KIAA1217: variants seen among roughly 807,000 people sequenced by gnomAD.
The protein encoded by KIAA1217 is KIAA1217.
A neutral mutation model predicts 163.9 loss-of-function variants in KIAA1217; 88 were observed. The ratio of observed to expected loss-of-function variants is 0.54; its 90% CI spans 0.45 to 0.64. The LOEUF is 0.64. KIAA1217 is among the 30% of genes least tolerant of loss of function. The probability of loss-of-function intolerance (pLI) is 0.00; values close to 1 mark genes in which losing one functional copy is unlikely to be tolerated. For missense variants in KIAA1217, 2,372 were observed against 2,475.0 expected (o/e 0.96, Z 0.88); for synonymous variants, 903 against 923.1 (o/e 0.98, Z 0.39).
At chr10:23,752,330 TC>T (rs1839781118) in intron 1 of KIAA1217, among the ~76,000 whole-genome samples, 1 of 152,306 alleles carries the variant, frequency 6.6e-6, no homozygotes, top group Non-Finnish European at 1.5e-5. Flanking sequence ...TTTTATTGAC[TC>T]CTTAGATATG....
chr10:23,902,324 A>G (rs1205347367), intron 1 of KIAA1217, among the ~76,000 whole-genome samples: 1 of 152,084 alleles, frequency 6.6e-6, no homozygotes, highest in Non-Finnish European at 1.5e-5. Context: ...CGTGATAAGA[A>G]CACGTGGGCA....
At chr10:24,115,022 C>T (rs970825449) in intron 2 of KIAA1217, among the ~76,000 whole-genome samples, 1 of 152,220 alleles carries the variant, frequency 6.6e-6, no homozygotes, top group Non-Finnish European at 1.5e-5. Flanking sequence ...GGAAGGTTCT[C>T]TCTAATCCTA....
chr10:24,126,909 A>G (rs181346200), intron 2 of KIAA1217, among the ~76,000 whole-genome samples: 26 of 152,088 alleles, frequency 1.7e-4, no homozygotes, highest in Admixed American at 7.9e-4. Context: ...ATCAGTTTGT[A>G]TCTTACCACA....
intron 1 of KIAA1217, among the ~76,000 whole-genome samples, chr10:23,859,024 A>G (rs1305186432): frequency 6.6e-6 from 1 of 152,254 alleles, no homozygotes; most frequent in African/African-American, 2.4e-5. Flanking sequence ...AAGCCAGTGG[A>G]GCACAAAGAC....
intron 3 of KIAA1217, among the ~76,000 whole-genome samples, chr10:24,389,646 GT>G (rs2054569417): frequency 6.6e-6 from 1 of 152,120 alleles, no homozygotes; most frequent in Non-Finnish European, 1.5e-5. Flanking sequence ...CCTGGCCTAA[GT>G]AGCTGGGAGT....
chr10:23,975,347 A>T (rs144619972), intron 1 of KIAA1217, among the ~76,000 whole-genome samples: 85 of 152,338 alleles, frequency 5.6e-4, no homozygotes, highest in Admixed American at 1.7e-3. Flanking sequence ...CAGGCAGGAC[A>T]CATTGTATAA....
chr10:24,275,469 G>A (rs907270891), intron 2 of KIAA1217, among the ~76,000 whole-genome samples: 4 of 152,172 alleles, frequency 2.6e-5, no homozygotes, highest in South Asian at 2.1e-4. Context: ...ACCTGGGAAC[G>A]TGCTTGTTGG....
intron 2 of KIAA1217, among the ~76,000 whole-genome samples, chr10:24,370,336 A>G (rs1333728165): frequency 6.6e-6 from 1 of 152,012 alleles, no homozygotes; most frequent in Non-Finnish European, 1.5e-5. Context: ...AAAATCTCGT[A>G]AGAAGAGGAA....
chr10:23,947,437 T>G (rs1048130446), intron 1 of KIAA1217, among the ~76,000 whole-genome samples: 1 of 152,214 alleles, frequency 6.6e-6, no homozygotes, highest in African/African-American at 2.4e-5. Context: ...TTATGTGCAA[T>G]CCATAGATAA....
At chr10:23,951,288 C>T (rs1490631605) in intron 1 of KIAA1217, among the ~76,000 whole-genome samples, 1 of 152,030 alleles carries the variant, frequency 6.6e-6, no homozygotes, top group Non-Finnish European at 1.5e-5. Context: ...ACAGCTTCTC[C>T]TAGGAACTCC....
intron 1 of KIAA1217, among the ~76,000 whole-genome samples, chr10:23,827,140 A>G (rs568677433): frequency 6.6e-6 from 1 of 152,204 alleles, no homozygotes; most frequent in Non-Finnish European, 1.5e-5. Flanking sequence ...CCCTGACTAC[A>G]CATCGGAATC....
chr10:23,737,962 T>A (rs902636795), intron 1 of KIAA1217, among the ~76,000 whole-genome samples: 2 of 152,152 alleles, frequency 1.3e-5, no homozygotes, highest in Non-Finnish European at 2.9e-5. Flanking sequence ...CTGATTTTTT[T>A]ATAATATTCA....
chr10:23,914,122 G>C (rs1196338062), intron 1 of KIAA1217, among the ~76,000 whole-genome samples: 1 of 152,118 alleles, frequency 6.6e-6, no homozygotes, highest in Non-Finnish European at 1.5e-5. Flanking sequence ...CAAGACAGGG[G>C]ATACAGAAGC....
At chr10:23,836,769 T>TA (rs912000275) in intron 1 of KIAA1217, among the ~76,000 whole-genome samples, 22 of 147,184 alleles carry the variant, frequency 1.5e-4, no homozygotes, top group South Asian at 2.2e-4. Context: ...CCACAAAAAA[T>TA]AAAAAAAAAA....
intron 1 of KIAA1217, among the ~76,000 whole-genome samples, chr10:23,986,652 G>A (rs1845984599): frequency 1.3e-5 from 2 of 152,050 alleles, no homozygotes; most frequent in Non-Finnish European, 1.5e-5. Context: ...AATACAGAAG[G>A]CCAACTCTAT....
chr10:23,829,688 A>G (rs1242667828), intron 1 of KIAA1217, among the ~76,000 whole-genome samples: 1 of 152,182 alleles, frequency 6.6e-6, no homozygotes, highest in Non-Finnish European at 1.5e-5. Context: ...ATTCAGTTAT[A>G]TCCTATTATT....
At chr10:24,504,113 A>C (rs1256866665) in intron 9 of KIAA1217, among the ~76,000 whole-genome samples, 1 of 152,162 alleles carries the variant, frequency 6.6e-6, no homozygotes, top group East Asian at 1.9e-4. Flanking sequence ...GGGATCTCTC[A>C]CACTTGTCTC....
chr10:24,402,516 C>CAAACAA (rs1554849270), intron 3 of KIAA1217, among the ~76,000 whole-genome samples: 7 of 93,002 alleles, frequency 7.5e-5, no homozygotes, highest in South Asian at 3.8e-4. Flanking sequence ...CTCAAAAAAA[C>CAAACAA]AAAAAACAAA....
intron 3 of KIAA1217, among the ~76,000 whole-genome samples, chr10:24,390,679 A>G (rs1251411889): frequency 6.6e-6 from 1 of 152,216 alleles, no homozygotes; most frequent in Non-Finnish European, 1.5e-5. Flanking sequence ...ACTTGATGTA[A>G]TGAATGTCCT....
Sources: allele counts gnomAD v4.1 joint callset (sites outside exome capture counted in the v4.1 genomes callset), GRCh38; gene constraint gnomAD v4.1.1; transcripts MANE v1.5; gene names NCBI Gene and HGNC (gene_info 2026-07-23, HGNC 2026-07-21).